The following MTHFD2L variants were observed in gnomAD, a reference collection of about 807,000 sequenced individuals.
MTHFD2L encodes bifunctional methylenetetrahydrofolate dehydrogenase/cyclohydrolase 2, mitochondrial.
Under a neutral mutation model 34.9 loss-of-function variants are expected in MTHFD2L, and 29 were observed. That is an observed-to-expected ratio of 0.83 (90% confidence interval 0.62 to 1.13). MTHFD2L has a LOEUF of 1.13. MTHFD2L is among the 50% of genes most tolerant of loss of function. The pLI, the probability that MTHFD2L is intolerant of heterozygous loss-of-function variation, is 0.00. For synonymous variants in MTHFD2L, 167 were observed against 155.7 expected, an observed-to-expected ratio of 1.07 and a Z score of -0.54; for missense variants, 481 against 446.5, an observed-to-expected ratio of 1.08 and a Z score of -0.70.
At chr4:74,291,003 CT>C (rs10585551) in intron 7 of MTHFD2L, among the ~76,000 whole-genome samples, 8 of 29,278 alleles carry the variant, frequency 2.7e-4, no homozygotes, top group African/African-American at 4.3e-4. Context: ...TTTTCCTTTT[CT>C]TTTTTTTTTT....
At chr4:74,216,506 C>T (rs1211709162) in intron 5 of MTHFD2L, among the ~76,000 whole-genome samples, 3 of 151,788 alleles carry the variant, frequency 2.0e-5, no homozygotes, top group Non-Finnish European at 4.4e-5. Flanking sequence ...CTTTTTTATT[C>T]ATAGCCAGTC....
At chr4:74,218,342 A>G (rs901535769) in intron 5 of MTHFD2L, among the ~76,000 whole-genome samples, 2 of 152,098 alleles carry the variant, frequency 1.3e-5, no homozygotes, top group African/African-American at 4.8e-5. Flanking sequence ...TGGCACATGG[A>G]CAGTGCTACT....
intron 6 of MTHFD2L, among the ~76,000 whole-genome samples, chr4:74,263,143 G>A (rs1305219190): frequency 6.6e-6 from 1 of 151,858 alleles, no homozygotes; most frequent in African/African-American, 2.4e-5. Flanking sequence ...GTGTGTGTGT[G>A]TGCTGTCTTA....
intron 7 of MTHFD2L, among the ~76,000 whole-genome samples, chr4:74,294,963 A>G (rs1578751996): frequency 6.6e-6 from 1 of 152,164 alleles, no homozygotes; most frequent in Admixed American, 6.6e-5. Context: ...CTTCATGAAA[A>G]TGCAAGATGA....
chr4:74,216,358 C>G (rs1737210021), intron 5 of MTHFD2L, among the ~76,000 whole-genome samples: 1 of 151,762 alleles, frequency 6.6e-6, no homozygotes, highest in Non-Finnish European at 1.5e-5. Context: ...ATGCCCAACA[C>G]AGATAAAAAT....
intron 4 of MTHFD2L, 94 bp from the exon 5 acceptor site, chr4:74,201,169 G>A: frequency 2.4e-6 from 2 of 828,986 alleles, no homozygotes; most frequent in Middle Eastern, 5.9e-4. Flanking sequence ...GATTTAATTA[G>A]AAATTTTTAA....
rs1723120209 is a variant in MTHFD2L at position 74,138,920 on chromosome 4, C to A, written c.-297+13403C>A. On this transcript the variant is annotated intron_variant, in intron 1 of 7. Coordinates refer to the MTHFD2L transcript ENST00000433372. The stretch of plus-strand genomic sequence containing the variant: ...ACTATTTCTTTACCTCCTACTTTAG[C>A]CTAATTTGTATTTTAGTGAGCCGTC... Among the ~76,000 whole-genome samples the A allele has an allele frequency of 2.0e-5, 3 of 152,096 alleles. No individual in the cohort carries two copies. The South Asian group carries it at 6.2e-4, about 32-fold the overall frequency.
chr4:74,238,643 A>G (rs1210108188), intron 6 of MTHFD2L, among the ~76,000 whole-genome samples: 5 of 152,222 alleles, frequency 3.3e-5, no homozygotes, highest in Admixed American at 3.3e-4. Flanking sequence ...ACAAAGTTAC[A>G]AGAAAAAAAC....
intron 5 of MTHFD2L, among the ~76,000 whole-genome samples, chr4:74,216,239 C>G (rs563401734): frequency 2.6e-5 from 4 of 151,928 alleles, no homozygotes; most frequent in South Asian, 2.1e-4. Flanking sequence ...AACATTTCTT[C>G]TCATTCTCTG....
At chr4:74,211,761 A>G (rs1202131077) in intron 5 of MTHFD2L, among the ~76,000 whole-genome samples, 1 of 151,568 alleles carries the variant, frequency 6.6e-6, no homozygotes, top group Non-Finnish European at 1.5e-5. Flanking sequence ...AAGGAATGAT[A>G]CCAGCTGCTC....
chr4:74,121,687 A>T (rs1021172170), upstream of MTHFD2L, among the ~76,000 whole-genome samples: 17 of 146,344 alleles, frequency 1.2e-4, no homozygotes, highest in African/African-American at 4.0e-4. Context: ...TATATAATAT[A>T]TAAAAATATA....
chr4:74,258,411 A>ACAC (rs1467138594), intron 6 of MTHFD2L, among the ~76,000 whole-genome samples: 1 of 150,486 alleles, frequency 6.6e-6, no homozygotes, highest in African/African-American at 2.5e-5. Flanking sequence ...CACACACACA[A>ACAC]ACACACAGTT....
At chr4:74,143,326 G>A in intron 1 of MTHFD2L, 1 of 754,868 alleles carries the variant, frequency 1.3e-6, no homozygotes, top group Non-Finnish European at 1.6e-6. Flanking sequence ...CATATGGCTG[G>A]TGACAGTGAA....
intron 7 of MTHFD2L, among the ~76,000 whole-genome samples, chr4:74,296,675 G>A (rs564360655): frequency 5.5e-4 from 84 of 151,988 alleles, no homozygotes; most frequent in Non-Finnish European, 9.6e-4. Context: ...CTTTCCCACC[G>A]TTAGAAATAT....
chr4:74,248,211 G>T (rs920859017), intron 6 of MTHFD2L, among the ~76,000 whole-genome samples: 4 of 152,112 alleles, frequency 2.6e-5, no homozygotes, highest in Non-Finnish European at 5.9e-5. Context: ...AGTCTTGGGA[G>T]AGTGTATGTG....
chr4:74,119,789 A>C (rs543130255), upstream of MTHFD2L, among the ~76,000 whole-genome samples: 1 of 152,116 alleles, frequency 6.6e-6, no homozygotes, highest in Non-Finnish European at 1.5e-5. Context: ...TCTCAAAAAA[A>C]AACAAAAAAA....
chr4:74,266,190 T>C (rs1745264815), intron 6 of MTHFD2L, among the ~76,000 whole-genome samples: 2 of 152,228 alleles, frequency 1.3e-5, no homozygotes, highest in African/African-American at 4.8e-5. Context: ...TGGACTCTTA[T>C]GTTGTTCCAG....
intron 3 of MTHFD2L, among the ~76,000 whole-genome samples, 174 bp downstream of exon 3, chr4:74,175,577 C>T (rs1322405586): frequency 6.6e-6 from 1 of 151,980 alleles, no homozygotes; most frequent in African/African-American, 2.4e-5. Context: ...CTTACATGGA[C>T]AAAATCCTTG....
chr4:74,214,447 T>C (rs1382062172), intron 5 of MTHFD2L, among the ~76,000 whole-genome samples: 1 of 151,820 alleles, frequency 6.6e-6, no homozygotes, highest in African/African-American at 2.4e-5. Flanking sequence ...GTTTGGTAGT[T>C]TTCCTTCTAA....
Sources: gnomAD v4.1 joint callset for allele counts (sites outside exome capture counted in the v4.1 genomes callset) on GRCh38, gnomAD v4.1.1 for gene constraint, MANE v1.5 for transcripts, NCBI Gene and HGNC (gene_info 2026-07-23, HGNC 2026-07-21) for gene names.